Variants in C1orf94 observed in about 807,000 individuals in gnomAD.
C1orf94 encodes the protein chromosome 1 open reading frame 94, also known as uncharacterized protein C1orf94.
Under a neutral mutation model 53.6 loss-of-function variants are expected in C1orf94, and 45 were observed. The observed-to-expected ratio is 0.84, with a 90% confidence interval of 0.66 to 1.08. The LOEUF (loss-of-function observed/expected upper bound fraction) is 1.08, where lower values mean the gene tolerates loss of function less well. C1orf94 is among the 50% of genes least tolerant of loss of function. The pLI is 0.00. For synonymous variants in C1orf94, 304 were observed against 296.1 expected (o/e 1.03, Z -0.27); for missense variants, 762 against 738.9 (o/e 1.03, Z -0.36).
Position 34,208,178 on chromosome 1 carries a change from G to A in C1orf94, c.1468G>A (p.Ala490Thr). The change falls in exon 5 of 7, where the codon GCG (alanine) becomes ACG (threonine). Residue 490 changes from alanine (A) to threonine (T), a missense_variant. Transcript: ENST00000488417. ...QYQGLYPQQAARMPYQQALHP... is the reference protein window; with the variant it reads ...QYQGLYPQQATRMPYQQALHP... ...CCAGGGCCTGTACCCACAGCAGGCA[G>A]CGAGGATGCCCTATCAGCAGGCTTT... 1 of 1,614,164 alleles carries A rather than the reference G, an allele frequency of 6.2e-7. No homozygotes were observed. The highest frequency in any genetic ancestry group is 8.5e-7 in the Non-Finnish European group (1 of 1,180,024).
Position 34,197,189 on chromosome 1 carries a change from G to A in C1orf94, c.321-36G>A, listed in dbSNP as rs1449440034. On this transcript the variant is annotated intron_variant, in intron 1 of 6. Coordinates refer to ENST00000488417, the MANE Select transcript of C1orf94 (RefSeq NM_001134734.2). The surrounding 1 kb of genome is among the most constrained non-coding windows in gnomAD (Gnocchi z 4.1). ...TGCAAAGCCACGCCTTGGTGAGCTG[G>A]CACTAACACCGTCTGTCTCTCTGAC... is the stretch of plus-strand genomic sequence containing the variant. 2 of 1,474,026 alleles carry A rather than the reference G, an allele frequency of 1.4e-6. No homozygotes were observed. Among genetic ancestry groups the A allele is most frequent in the African/African-American group, 2.8e-5 (2 of 70,584 alleles). 91.3% of individuals were successfully genotyped at this position (1,474,026 alleles called of 1,614,324 possible).
At chr1:34,174,088 C>T (rs1252022370), upstream of C1orf94, among the ~76,000 whole-genome samples, 2 of 152,246 alleles carry the variant, frequency 1.3e-5, no homozygotes, top group African/African-American at 4.8e-5. Context: ...ATCCCTGTGT[C>T]TTTCACAATT....
chr1:34,184,554 A>G (rs1642357528), intron 1 of C1orf94, among the ~76,000 whole-genome samples: 1 of 152,202 alleles, frequency 6.6e-6, no homozygotes, highest in South Asian at 2.1e-4. Flanking sequence ...CATTTTTTGA[A>G]AAACAGAAGT....
upstream of C1orf94, among the ~76,000 whole-genome samples, chr1:34,174,776 G>A (rs573765913): frequency 2.0e-5 from 3 of 152,302 alleles, no homozygotes; most frequent in South Asian, 4.2e-4. Context: ...TGTGGACTTC[G>A]TTATGGTAGC....
intron 1 of C1orf94, among the ~76,000 whole-genome samples, chr1:34,180,822 G>A (rs968916309): frequency 1.3e-5 from 2 of 152,216 alleles, no homozygotes; most frequent in African/African-American, 2.4e-5. Flanking sequence ...AGATAGGTAA[G>A]TGCATTCTAC....
chr1:34,200,742 G>A, intron 2 of C1orf94, 30 bp from the exon 3 acceptor site: 4 of 1,612,806 alleles, frequency 2.5e-6, no homozygotes, highest in Non-Finnish European at 3.4e-6. Flanking sequence ...GCCTTCCAGA[G>A]GCATTGACTC....
intron 5 of C1orf94, among the ~76,000 whole-genome samples, chr1:34,211,209 G>C (rs959975990): frequency 6.6e-6 from 1 of 152,136 alleles, no homozygotes; most frequent in South Asian, 2.1e-4. Flanking sequence ...CATCATTTAG[G>C]TATTCAAGCA....
In C1orf94 at chr1:34,218,775, C is replaced by A. The variant is rs1270933016; in HGVS notation, c.*14C>A. The A allele has an allele frequency of 1.2e-6, 2 of 1,606,084 alleles. No individual in the cohort carries two copies. The highest frequency in any genetic ancestry group is 4.5e-5 in the East Asian group (2 of 44,806). On this transcript the variant is annotated 3_prime_UTR_variant, in exon 7 of 7. Transcript: ENST00000488417. Reference sequence around the variant, plus strand: ...ATAAACTTTTAGATCTCCTCTTCTCCCTTCTCCTCCCTTAGCCCTTGGATC... The same window carrying A: ...ATAAACTTTTAGATCTCCTCTTCTCACTTCTCCTCCCTTAGCCCTTGGATC...
At chr1:34,168,160 G>T (rs2148606905) in intron 1 of C1orf94, among the ~76,000 whole-genome samples, 1 of 152,222 alleles carries the variant, frequency 6.6e-6, no homozygotes, top group South Asian at 2.1e-4. Flanking sequence ...CTAAAATTAA[G>T]CAAGATGCTC....
At chr1:34,213,203 T>C (rs902762751) in intron 6 of C1orf94, among the ~76,000 whole-genome samples, 4 of 152,166 alleles carry the variant, frequency 2.6e-5, no homozygotes, top group African/African-American at 9.7e-5. Flanking sequence ...GAAACTCACT[T>C]TATAGGATTA....
At chr1:34,187,782 C>CT (rs1642409010) in intron 1 of C1orf94, among the ~76,000 whole-genome samples, 1 of 39,988 alleles carries the variant, frequency 2.5e-5, no homozygotes, top group African/African-American at 1.1e-4. Context: ...CCCCCCCCCC[C>CT]GCCGCCCCCC....
chr1:34,175,360 C>T (rs1207350166), upstream of C1orf94, among the ~76,000 whole-genome samples: 1 of 152,018 alleles, frequency 6.6e-6, no homozygotes, highest in Non-Finnish European at 1.5e-5. Flanking sequence ...AAGGTGTTAG[C>T]CAACCAAATG....
Position 34,188,749 on chromosome 1 carries a change from G to T in C1orf94, c.321-8476G>T, listed in dbSNP as rs181515619. Among the ~76,000 whole-genome samples, 188 of 152,240 alleles carry T rather than the reference G, an allele frequency of 1.2e-3. 1 individual carries two copies. The highest frequency in any genetic ancestry group is 4.0e-3 in the African/African-American group (166 of 41,548). On this transcript the variant is annotated intron_variant, in intron 1 of 6. Transcript: ENST00000488417. ...GGTGGAGGAGGGCTGGGGGTGGGGAGGCCAAAGCTTTCTCCAGCCCTAAGC... is the reference window on the plus strand; with the variant it reads ...GGTGGAGGAGGGCTGGGGGTGGGGATGCCAAAGCTTTCTCCAGCCCTAAGC...
intron 5 of C1orf94, 87 bp from the exon 6 acceptor site, chr1:34,212,123 C>T (rs868164702): frequency 2.4e-6 from 3 of 1,242,784 alleles, no homozygotes; most frequent in Middle Eastern, 4.1e-4. Flanking sequence ...CTGAGGAGCA[C>T]AGGGGCTGAG....
chr1:34,182,960 T>C (rs1393576729), intron 1 of C1orf94, among the ~76,000 whole-genome samples: 1 of 152,206 alleles, frequency 6.6e-6, no homozygotes, highest in East Asian at 1.9e-4. Context: ...GCCAAGAGCA[T>C]TAGACTCCAA....
At position 34,212,253 on chromosome 1, in the gene C1orf94, G is replaced by A. The variant is rs760385416; in HGVS notation, c.1568G>A (p.Arg523His). The A allele has an allele frequency of 3.4e-5, 55 of 1,613,064 alleles. No homozygotes were observed. The highest frequency in any genetic ancestry group is 1.6e-4 in the Middle Eastern group (1 of 6,072). Residue 523 changes from arginine to histidine, a missense_variant, in exon 6 of 7, where the codon CGC becomes CAC. Physicochemically the swap from Arg to His is conservative, Grantham distance 29. Coordinates refer to ENST00000488417, the MANE Select transcript of C1orf94 (RefSeq NM_001134734.2). ...CAGCAGATGGGACAGCAGATCTTCC[G>A]CTCTTCCTACACCCCTCTGCTGAGC... ...NPQQMGQQIFRSSYTPLLSYI... is the reference protein window; with the variant it reads ...NPQQMGQQIFHSSYTPLLSYI...
At chr1:34,173,275 A>G (rs1034479184), upstream of C1orf94, among the ~76,000 whole-genome samples, 1 of 152,242 alleles carries the variant, frequency 6.6e-6, no homozygotes, top group African/African-American at 2.4e-5. Context: ...AAAATGGCAA[A>G]AATCCTTTCA....
At chr1:34,205,372 C>T (rs996242924) in intron 4 of C1orf94, among the ~76,000 whole-genome samples, 2 of 152,154 alleles carry the variant, frequency 1.3e-5, no homozygotes, top group African/African-American at 4.8e-5. Context: ...CAATGCTGTC[C>T]AGCTTCAACA....
At chr1:34,170,407 G>A (rs1642128767) in intron 1 of C1orf94, among the ~76,000 whole-genome samples, 1 of 152,176 alleles carries the variant, frequency 6.6e-6, no homozygotes, top group East Asian at 1.9e-4. Flanking sequence ...CAGCCTATGG[G>A]AAAGGGCAGG....
Sources: allele counts gnomAD v4.1 joint callset (sites outside exome capture counted in the v4.1 genomes callset), GRCh38; gene constraint gnomAD v4.1.1; non-coding constraint Gnocchi (gnomAD v3.1); transcripts MANE v1.5; gene names NCBI Gene and HGNC (gene_info 2026-07-23, HGNC 2026-07-21).